SRP72: variants seen among roughly 807,000 people sequenced by gnomAD.
SRP72 encodes the protein signal recognition particle 72, also known as signal recognition particle subunit SRP72.
SRP72 carries 49 observed loss-of-function variants against 96.3 expected under a neutral mutation model. The ratio of observed to expected loss-of-function variants is 0.51; its 90% CI spans 0.40 to 0.65. The LOEUF is 0.65. Ranked by LOEUF, SRP72 falls within the 30% of genes least tolerant of loss-of-function variation. SRP72 has a pLI of 0.00. For missense variants in SRP72, 736 were observed against 793.3 expected (o/e 0.93, Z 0.87); for synonymous variants, 267 against 275.2 (o/e 0.97, Z 0.30).
At chr4:56,501,116 A>C (rs1473689087) in intron 18 of SRP72, among the ~76,000 whole-genome samples, 1 of 152,126 alleles carries the variant, frequency 6.6e-6, no homozygotes, top group East Asian at 1.9e-4. Context: ...TATTTTAAAA[A>C]ATTTTTTCTG....
At chr4:56,476,613 G>C in intron 5 of SRP72, 58 bp from the exon 6 acceptor site, 2 of 1,569,094 alleles carry the variant, frequency 1.3e-6, no homozygotes, top group Non-Finnish European at 1.7e-6. Flanking sequence ...CTTTGGAATA[G>C]TGAAAGAAAT....
At position 56,473,333 on chromosome 4, in the gene SRP72, G is replaced by A. The variant is rs184440030; in HGVS notation, c.355-721G>A. Reference sequence around the variant, plus strand: ...AAATTAGCCAGGTGTGGTGGCGGGCGCCTGGTCCCAGCTACTCGGGAGGCT... The same window carrying A: ...AAATTAGCCAGGTGTGGTGGCGGGCACCTGGTCCCAGCTACTCGGGAGGCT... On this transcript the variant is annotated intron_variant, in intron 3 of 18. Coordinates refer to ENST00000642900, the MANE Select transcript of SRP72 (RefSeq NM_006947.4). Among the ~76,000 whole-genome samples, 621 of 151,970 alleles carry A rather than the reference G, an allele frequency of 4.1e-3. 5 individuals are homozygous for A. The highest frequency in any genetic ancestry group is 0.013 in the African/African-American group (535 of 41,464).
chr4:56,503,582 A>C lies in SRP72; in HGVS notation c.*1721A>C, dbSNP rs185232181. 1.3e-5 allele frequency: 2 copies of C among 152,192 alleles called. No homozygotes were observed. The highest frequency in any genetic ancestry group is 4.8e-5 in the African/African-American group (2 of 41,460). The allele number at this position is 152,192 out of a possible 1,614,324, so 9.4% of individuals were successfully genotyped here. ...ACCAGTTCATATATATACTTTGTCA[A>C]ATATATGGATGTGTATGTGTACATT... On this transcript the variant is annotated 3_prime_UTR_variant, in exon 19 of 19. Transcript: ENST00000642900.
At chr4:56,486,067 G>A (rs1249137223) in intron 10 of SRP72, among the ~76,000 whole-genome samples, 1 of 152,148 alleles carries the variant, frequency 6.6e-6, no homozygotes, top group Non-Finnish European at 1.5e-5. Context: ...GTAATACCCT[G>A]TGGCTGAGGG....
At chr4:56,474,606 C>G (rs113107092) in intron 5 of SRP72, 6 of 570,972 alleles carry the variant, frequency 1.1e-5, no homozygotes, top group Non-Finnish European at 1.8e-5. Flanking sequence ...TACAATGGCA[C>G]GATCTCGGCT....
rs760795143 is a variant in SRP72, at chr4:56,471,756, C to T, written c.267C>T (p.Tyr89=). 2.0e-5 allele frequency: 33 copies of T among 1,613,694 alleles called. No homozygotes were observed. Among genetic ancestry groups the T allele is most frequent in the Non-Finnish European group, 1.5e-5 (18 of 1,179,920 alleles). ...CCTTTGAAAAGGCATATTGCGAGTA[C>T]AGGCTGAACAGAATTGAGAATGCCT... ...SLSFEKAYCE[Y]RLNRIENALK... The change falls in exon 3 of 19, where the codon TAC becomes TAT. Residue 89 remains tyrosine (Y), a synonymous_variant. Coordinates refer to ENST00000642900, the MANE Select transcript of SRP72 (RefSeq NM_006947.4).
chr4:56,500,506 ATC>A, intron 17 of SRP72, 28 bp from the exon 18 acceptor site: 1 of 1,602,104 alleles, frequency 6.2e-7, no homozygotes, highest in Non-Finnish European at 8.5e-7. Flanking sequence ...ATTATGACAC[ATC>A]TCTCATTTCT....
intron 12 of SRP72, chr4:56,489,169 T>C (rs1334465530): frequency 7.5e-6 from 3 of 401,490 alleles, no homozygotes; most frequent in Non-Finnish European, 1.3e-5. Context: ...AAGGAAAGTT[T>C]TATTTTACAG....
rs761908426 is a variant in SRP72 at position 56,490,317 on chromosome 4, T to C, written c.1321-16T>C. 6.3e-7 allele frequency: 1 copy of C among 1,599,422 alleles called. No homozygotes were observed. Among genetic ancestry groups the C allele is most frequent in the Non-Finnish European group, 8.5e-7 (1 of 1,175,358 alleles). ...TTTAACTTGAAACTTTTTTTTTCTTTTTATTGAAACTGTAGCCAAAATCTC... is the reference window on the plus strand; with the variant it reads ...TTTAACTTGAAACTTTTTTTTTCTTCTTATTGAAACTGTAGCCAAAATCTC... On this transcript the variant is annotated splice_polypyrimidine_tract_variant and intron_variant, in intron 13 of 18. Coordinates refer to ENST00000642900, the MANE Select transcript of SRP72 (RefSeq NM_006947.4).
chr4:56,483,267 C>A lies in SRP72; in HGVS notation c.954C>A (p.Asn318Lys). The A allele has an allele frequency of 6.2e-7, 1 of 1,612,486 alleles. No homozygotes were observed. The highest frequency in any genetic ancestry group is 8.5e-7 in the Non-Finnish European group (1 of 1,179,432). Residue 318 changes from asparagine (N) to lysine (K), a missense_variant, in exon 9 of 19, where the codon AAC becomes AAA. Physicochemically the swap from Asn to Lys is moderately conservative, Grantham distance 94. This residue lies in a region of SRP72 where 388 missense variants were observed against 431.8 expected (regional missense o/e 0.90). Transcript: ENST00000642900. Reference sequence around the variant, plus strand: ...AAGCTTTACTTGCTATGTACACAAACCAGGTGGGTAATTACCTTTGGTGTC... The same window carrying A: ...AAGCTTTACTTGCTATGTACACAAAACAGGTGGGTAATTACCTTTGGTGTC... ...FNKALLAMYT[N>K]QAEQCRKISA...
At chr4:56,497,081 C>T (rs1303620416) in intron 17 of SRP72, among the ~76,000 whole-genome samples, 1 of 152,054 alleles carries the variant, frequency 6.6e-6, no homozygotes, top group Non-Finnish European at 1.5e-5. Flanking sequence ...TCATTAGGTA[C>T]TCAAAGTTTT....
intron 17 of SRP72, among the ~76,000 whole-genome samples, chr4:56,496,785 C>T (rs1206157545): frequency 1.3e-5 from 2 of 152,084 alleles, no homozygotes; most frequent in African/African-American, 2.4e-5. Flanking sequence ...GTCAGGAGTT[C>T]GAGACCAGCC....
At chr4:56,480,874 C>T (rs973212976) in intron 8 of SRP72, among the ~76,000 whole-genome samples, 1 of 152,010 alleles carries the variant, frequency 6.6e-6, no homozygotes, top group Admixed American at 6.6e-5. Context: ...TGAGCTGACC[C>T]TTGAAGGAGG....
intron 2 of SRP72, among the ~76,000 whole-genome samples, chr4:56,470,947 G>A (rs1719950542): frequency 6.7e-6 from 1 of 150,372 alleles, no homozygotes; most frequent in Non-Finnish European, 1.5e-5. Flanking sequence ...GATTACAGAT[G>A]TGCACCACCA....
chr4:56,467,970 ACTT>A (rs1719812322), intron 1 of SRP72, among the ~76,000 whole-genome samples: 1 of 152,206 alleles, frequency 6.6e-6, no homozygotes, highest in Non-Finnish European at 1.5e-5. Context: ...AGCCACGTGT[ACTT>A]CTCTTTTTAC....
intron 5 of SRP72, among the ~76,000 whole-genome samples, chr4:56,475,096 A>C (rs4270628): frequency 0.52 from 79,239 of 152,064 alleles, 20,980 homozygotes; most frequent in East Asian, 0.69. Flanking sequence ...TATAAAAGTG[A>C]TGTAGGTACT....
Position 56,484,716 on chromosome 4 carries a change from G to C in SRP72, c.958-20G>C. 6.3e-7 allele frequency: 1 copy of C among 1,583,638 alleles called. No homozygotes were observed. Among genetic ancestry groups the C allele is most frequent in the Non-Finnish European group, 8.6e-7 (1 of 1,156,774 alleles). On this transcript the variant is annotated intron_variant, in intron 9 of 18. Coordinates refer to ENST00000642900, the MANE Select transcript of SRP72 (RefSeq NM_006947.4). ...TCATTAACCAGTTTATTTTTCTTGT[G>C]GGGGTTGGATATCTTCTAGGCTGAA...
intron 8 of SRP72, among the ~76,000 whole-genome samples, chr4:56,479,990 C>T (rs764675836): frequency 2.0e-5 from 3 of 152,144 alleles, no homozygotes; most frequent in Non-Finnish European, 4.4e-5. Flanking sequence ...TGTATAAGGT[C>T]ATAGCCTACT....
chr4:56,484,059 A>C (rs906859518), intron 9 of SRP72, among the ~76,000 whole-genome samples: 17 of 63,630 alleles, frequency 2.7e-4, no homozygotes, highest in East Asian at 1.3e-3. Flanking sequence ...TTTGAGATGG[A>C]GTCTCGCTCT....
Sources: allele counts gnomAD v4.1 joint callset (sites outside exome capture counted in the v4.1 genomes callset), GRCh38; gene constraint gnomAD v4.1.1; regional missense constraint gnomAD v4.1.1; transcripts MANE v1.5; gene names NCBI Gene and HGNC (gene_info 2026-07-23, HGNC 2026-07-21).